Variants in BCL6 observed in about 807,000 individuals in gnomAD.
BCL6 encodes the protein BCL6 transcription repressor, also known as B-cell lymphoma 6 protein.
Under a neutral mutation model 59.5 loss-of-function variants are expected in BCL6, and 7 were observed. The ratio of observed to expected loss-of-function variants is 0.12; its 90% CI spans 0.07 to 0.22. The LOEUF (loss-of-function observed/expected upper bound fraction) is 0.22. Among genes scored for constraint, BCL6 ranks in the 10% least tolerant of loss-of-function variants. BCL6 has a pLI of 1.00. For synonymous variants in BCL6, 339 were observed against 349.7 expected (o/e 0.97, Z 0.34); for missense variants, 685 against 939.4 (o/e 0.73, Z 3.54).
In BCL6 at chr3:187,742,101, A is replaced by AT. The variant is rs1383305882; in HGVS notation, c.-50+3308dup. On this transcript the variant is annotated intron_variant, in intron 1 of 9. Transcript: ENST00000406870. Reference sequence around the variant, plus strand: ...TTTATCCGTTAGTTTTATCTCCCCTATTTTTTTTAAATCTCTGGGGGAAAA... The same window carrying AT: ...TTTATCCGTTAGTTTTATCTCCCCTATTTTTTTTTAAATCTCTGGGGGAAAA... Among the ~76,000 whole-genome samples, 5 of 151,894 alleles carry AT rather than the reference A, an allele frequency of 3.3e-5. No homozygotes were observed. The East Asian group carries it at 5.8e-4, about 18-fold the overall frequency.
chr3:187,729,010 G>A lies in BCL6; in HGVS notation c.1355+40C>T, dbSNP rs1718874306. 6.6e-7 allele frequency: 1 copy of A among 1,508,368 alleles called. No individual in the cohort carries two copies. Among genetic ancestry groups the A allele is most frequent in the South Asian group, 1.4e-5 (1 of 72,368 alleles). 93.4% of individuals were successfully genotyped at this position (1,508,368 alleles called of 1,614,324 possible). ...AGAAACGACATGGAACCCTGCCCAG[G>A]TAACCCCTGACCTCAGACCCAGACA... On this transcript the variant is annotated intron_variant, in intron 5 of 9. Transcript: ENST00000406870. The surrounding 1 kb of genome is among the most constrained non-coding windows in gnomAD (Gnocchi z 5.6).
intron 3 of BCL6, 152 bp downstream of exon 3, chr3:187,733,381 A>C (rs1218469846): frequency 9.7e-6 from 8 of 826,668 alleles, no homozygotes; most frequent in Non-Finnish European, 1.5e-5. Flanking sequence ...TTCACTTGGG[A>C]GCCTACTGTG....
At chr3:187,744,394 G>A (rs562655237) in intron 1 of BCL6, among the ~76,000 whole-genome samples, 12 of 151,918 alleles carry the variant, frequency 7.9e-5, no homozygotes, top group Admixed American at 6.5e-4. Flanking sequence ...GCGCGCGGAG[G>A]TTCCCGACTC....
Position 187,730,021 on chromosome 3 carries a change from ACTGTG to A in BCL6, c.384-5_384-1del, listed in dbSNP as rs1429228914. ...TGATGGCAGAAACCATCTCTGCTTCACTGTGAAAGAAAAAAAGAGGAAAGACACCG... is the reference window on the plus strand; with the variant it reads ...TGATGGCAGAAACCATCTCTGCTTCAAAAGAAAAAAAGAGGAAAGACACCG... On this transcript the variant is annotated splice_acceptor_variant and splice_polypyrimidine_tract_variant and intron_variant, in intron 4 of 9. Transcript: ENST00000406870. LOFTEE classifies it high-confidence loss of function. 3.2e-6 allele frequency: 5 copies of A among 1,539,522 alleles called. No individual in the cohort carries two copies. The Admixed American group carries it at 6.3e-5, about 19-fold the overall frequency.
intron 1 of BCL6, among the ~76,000 whole-genome samples, chr3:187,744,816 G>C (rs557082253): frequency 2.6e-5 from 4 of 152,216 alleles, no homozygotes; most frequent in South Asian, 2.1e-4. Context: ...GACGGAGCAA[G>C]GAAAGCAGTT....
At chr3:187,732,359 A>G (rs916761492) in intron 3 of BCL6, 3 of 433,182 alleles carry the variant, frequency 6.9e-6, no homozygotes, top group South Asian at 1.7e-5. Flanking sequence ...TTAAAATTCT[A>G]TCTCTTTTTA....
chr3:187,737,752 CTTTTT>C (rs60679881), intron 1 of BCL6: 6 of 83,374 alleles, frequency 7.2e-5, no homozygotes, highest in African/African-American at 1.4e-4. Flanking sequence ...GTGTGTATGC[CTTTTT>C]TTTTTTTTTT....
rs1576886950 is a variant in BCL6 at position 187,745,396 on chromosome 3, A to T, written c.-50+14T>A. On this transcript the variant is annotated intron_variant, in intron 1 of 9. Coordinates refer to ENST00000406870, the MANE Select transcript of BCL6 (RefSeq NM_001706.5). ...AGTAGCAGCAGCAGCGGCGGCAGCAACAGCAATAATCACCTGGTGTCCGGC... is the reference window on the plus strand; with the variant it reads ...AGTAGCAGCAGCAGCGGCGGCAGCATCAGCAATAATCACCTGGTGTCCGGC... 2.5e-6 allele frequency: 1 copy of T among 402,650 alleles called. No individual in the cohort carries two copies. Among genetic ancestry groups the T allele is most frequent in the Admixed American group, 4.4e-5 (1 of 22,732 alleles). 24.9% of individuals were successfully genotyped at this position (402,650 alleles called of 1,614,324 possible).
chr3:187,743,999 T>C (rs1258713203), intron 1 of BCL6, among the ~76,000 whole-genome samples: 2 of 152,220 alleles, frequency 1.3e-5, no homozygotes, highest in African/African-American at 2.4e-5. Flanking sequence ...GTCTTGCACA[T>C]AAGGAACGCG....
chr3:187,745,241 T>A (rs193041319), intron 1 of BCL6, among the ~76,000 whole-genome samples, 169 bp downstream of exon 1: 7 of 151,872 alleles, frequency 4.6e-5, no homozygotes, highest in South Asian at 2.1e-4. Flanking sequence ...TTTATATCAA[T>A]AGATACACAT....
chr3:187,724,223 A>G (rs1718557928), intron 9 of BCL6, among the ~76,000 whole-genome samples: 1 of 152,192 alleles, frequency 6.6e-6, no homozygotes. Flanking sequence ...GTGTTCCAAT[A>G]ACCTTTTACT....
intron 1 of BCL6, among the ~76,000 whole-genome samples, chr3:187,744,727 G>A (rs1711812632): frequency 1.3e-5 from 2 of 152,206 alleles, no homozygotes; most frequent in South Asian, 2.1e-4. Flanking sequence ...TTGCCTCCCG[G>A]AGTTACCCAG....
In BCL6 at chr3:187,725,469, C is replaced by T; in HGVS notation, c.1839+30G>A. On this transcript the variant is annotated intron_variant, in intron 8 of 9. Transcript: ENST00000406870. The surrounding 1 kb of genome is among the most constrained non-coding windows in gnomAD (Gnocchi z 4.7). ...TCGCCTGCCCGCTCCGCTCGCCTGC[C>T]CGCTCCGCTCGCCTGCCCACTCTGC... The T allele has an allele frequency of 8.1e-7, 1 of 1,239,780 alleles. No homozygotes were observed. The allele number at this position is 1,239,780 out of a possible 1,614,324, so 76.8% of individuals were successfully genotyped here.
intron 3 of BCL6, chr3:187,732,283 G>A (rs757067895): frequency 5.3e-6 from 2 of 379,502 alleles, no homozygotes; most frequent in Non-Finnish European, 1.0e-5. Flanking sequence ...CCCCTTTGCA[G>A]TAACTATTCT....
chr3:187,729,085 G>A lies in BCL6; in HGVS notation c.1320C>T (p.Ile440=). The part of the protein sequence containing the change: ...KLSASGEDST[I]PQASRLNNIV... ...TGTTATTGAGCCGGCTGGCTTGTGG[G>A]ATGGTGGAGTCCTCCCCGCTGGCAC... The change falls in exon 5 of 10, where the codon ATC becomes ATT. Residue 440 remains isoleucine (I), a synonymous_variant. Coordinates refer to ENST00000406870, the MANE Select transcript of BCL6 (RefSeq NM_001706.5). The surrounding 1 kb of genome is among the most constrained non-coding windows in gnomAD (Gnocchi z 5.6). 1 of 1,537,670 alleles carries A rather than the reference G, an allele frequency of 6.5e-7. No individual in the cohort carries two copies. The highest frequency in any genetic ancestry group is 8.7e-7 in the Non-Finnish European group (1 of 1,143,840).
At position 187,722,598 on chromosome 3, in the gene BCL6, C is replaced by T; in HGVS notation, c.1981G>A (p.Glu661Lys). The T allele has an allele frequency of 6.2e-7, 1 of 1,613,192 alleles. No homozygotes were observed. Among genetic ancestry groups the T allele is most frequent in the Non-Finnish European group, 8.5e-7 (1 of 1,179,592 alleles). The part of the protein sequence containing the change: ...IHTGEKPYHC[E>K]KCNLHFRHKS... ...TGACGGAAATGCAGGTTACACTTCT[C>T]ACACTGCAGGGATATCAGAGGCAAA... The change falls in exon 10 of 10, where the codon GAG becomes AAG. Residue 661 changes from glutamate to lysine, a missense_variant. Coordinates refer to ENST00000406870, the MANE Select transcript of BCL6 (RefSeq NM_001706.5).
intron 5 of BCL6, 34 bp from the exon 6 acceptor site, chr3:187,728,578 G>A: frequency 6.3e-7 from 1 of 1,577,358 alleles, no homozygotes; most frequent in Non-Finnish European, 8.6e-7. Flanking sequence ...CTCAGCACCT[G>A]GGGCAGGGCC....
In BCL6 at chr3:187,728,470, G is replaced by C; in HGVS notation, c.1430C>G (p.Ser477Cys). ...ATGCTGTGGGGACTGAGAGCCGCAG[G>C]ACGTGCACTTCGGGGGGTGCATGTA... is the stretch of plus-strand genomic sequence containing the variant. ...PLYMHPPKCT[S>C]CGSQSPQHAE... The change falls in exon 6 of 10, where the codon TCC becomes TGC. Residue 477 changes from serine to cysteine, a missense_variant. Coordinates refer to ENST00000406870, the MANE Select transcript of BCL6 (RefSeq NM_001706.5). 6.2e-7 allele frequency: 1 copy of C among 1,612,256 alleles called. No homozygotes were observed. Among genetic ancestry groups the C allele is most frequent in the Non-Finnish European group, 8.5e-7 (1 of 1,179,622 alleles).
chr3:187,733,850 C>T, intron 2 of BCL6, 147 bp from the exon 3 acceptor site: 2 of 770,078 alleles, frequency 2.6e-6, no homozygotes, highest in East Asian at 2.7e-5. Flanking sequence ...CATAGTCCAA[C>T]TCTGGCCATT....
Sources: gnomAD v4.1 joint callset for allele counts (sites outside exome capture counted in the v4.1 genomes callset) on GRCh38, gnomAD v4.1.1 for gene constraint, Gnocchi (gnomAD v3.1) non-coding constraint, MANE v1.5 for transcripts, NCBI Gene and HGNC (gene_info 2026-07-23, HGNC 2026-07-21) for gene names.